Variants in PIK3C3 observed in about 807,000 individuals in gnomAD.
PIK3C3 encodes the protein phosphatidylinositol 3-kinase catalytic subunit type 3.
A neutral mutation model predicts 126.1 loss-of-function variants in PIK3C3; 95 were observed. The ratio of observed to expected loss-of-function variants is 0.75; its 90% CI spans 0.64 to 0.89. The LOEUF (loss-of-function observed/expected upper bound fraction) is 0.89. Ranked by LOEUF, PIK3C3 falls within the 40% of genes least tolerant of loss-of-function variation. PIK3C3 has a pLI of 0.00. For synonymous variants in PIK3C3, 374 were observed against 360.0 expected, an observed-to-expected ratio of 1.04 and a Z score of -0.44; for missense variants, 829 against 1,063.2, an observed-to-expected ratio of 0.78 and a Z score of 3.06.
chr18:42,067,795 A>G, intron 24 of PIK3C3, among the ~76,000 whole-genome samples: 1 of 152,130 alleles, frequency 6.6e-6, no homozygotes, highest in East Asian at 1.9e-4. Flanking sequence ...ATGATTTTGG[A>G]TCCAGCAGAG....
chr18:42,037,952 A>G (rs1348779041), intron 17 of PIK3C3, 132 bp downstream of exon 17: 1 of 789,130 alleles, frequency 1.3e-6, no homozygotes, highest in African/African-American at 1.7e-5. Context: ...AACAGTCTCC[A>G]CTTGACCTTG....
intron 3 of PIK3C3, among the ~76,000 whole-genome samples, chr18:41,969,161 T>G (rs1389949082): frequency 6.6e-6 from 1 of 151,634 alleles, no homozygotes; most frequent in Non-Finnish European, 1.5e-5. Context: ...TGAAAATGTA[T>G]GAAATGCTTT....
At chr18:41,991,457 AATG>A (rs1981773786) in intron 6 of PIK3C3, among the ~76,000 whole-genome samples, 1 of 152,196 alleles carries the variant, frequency 6.6e-6, no homozygotes, top group Non-Finnish European at 1.5e-5. Flanking sequence ...AATCAGCATA[AATG>A]ATGACAGACT....
chr18:42,053,320 A>C (rs942371665), intron 21 of PIK3C3, among the ~76,000 whole-genome samples: 1 of 152,120 alleles, frequency 6.6e-6, no homozygotes, highest in Non-Finnish European at 1.5e-5. Flanking sequence ...TTTTTGGCCC[A>C]TGCTTTGTTT....
intron 10 of PIK3C3, among the ~76,000 whole-genome samples, chr18:42,007,078 C>G (rs1328156002): frequency 1.3e-5 from 2 of 152,086 alleles, no homozygotes; most frequent in Non-Finnish European, 2.9e-5. Context: ...CCGTGTTAGC[C>G]AGGATGGTCT....
At position 41,996,623 on chromosome 18, in the gene PIK3C3, C is replaced by T. The variant is rs1568127792; in HGVS notation, c.892-15C>T. The T allele has an allele frequency of 7.3e-7, 1 of 1,370,592 alleles. No homozygotes were observed. The highest frequency in any genetic ancestry group is 1.0e-6 in the Non-Finnish European group (1 of 993,472). The allele number at this position is 1,370,592 out of a possible 1,614,324, so 84.9% of individuals were successfully genotyped here. A position where few individuals can be genotyped will look rare whatever the true frequency, so the allele number is the denominator to read the frequency against. ...ATTGTTGACAAAATTAGTTCTTTTT[C>T]TTTTTTTGTTTTAGATTATTGTGAG... is the stretch of plus-strand genomic sequence containing the variant. On this transcript the variant is annotated splice_polypyrimidine_tract_variant and intron_variant, in intron 8 of 24. Transcript: ENST00000262039.
intron 24 of PIK3C3, among the ~76,000 whole-genome samples, chr18:42,076,122 GCGCA>G (rs1307065249): frequency 2.3e-4 from 6 of 25,644 alleles, no homozygotes; most frequent in African/African-American, 1.3e-3. Flanking sequence ...ATATATATAT[GCGCA>G]TATATATATA....
At chr18:42,033,183 A>G (rs1037082853) in intron 15 of PIK3C3, among the ~76,000 whole-genome samples, 7 of 152,178 alleles carry the variant, frequency 4.6e-5, no homozygotes, top group Admixed American at 4.6e-4. Context: ...GGGTTCTTCT[A>G]AATAGTATAG....
rs1172380925 is a variant in PIK3C3 at position 42,085,699 on chromosome 18, C to T, written c.*4562C>T. The T allele has an allele frequency of 6.6e-6, 1 of 152,190 alleles. No homozygotes were observed. Among genetic ancestry groups the T allele is most frequent in the South Asian group, 2.1e-4 (1 of 4,830 alleles). The allele number at this position is 152,190 out of a possible 1,614,324, so 9.4% of individuals were successfully genotyped here. On this transcript the variant is annotated 3_prime_UTR_variant, in exon 25 of 25. Transcript: ENST00000262039. Reference sequence around the variant, plus strand: ...TTATCTAAAATAGAAGTTAACATAGCATCCCAGTATTGCCATTCTAAAACT... The same window carrying T: ...TTATCTAAAATAGAAGTTAACATAGTATCCCAGTATTGCCATTCTAAAACT...
At chr18:41,971,144 G>A (rs1302595316) in intron 4 of PIK3C3, 1 of 152,816 alleles carries the variant, frequency 6.5e-6, no homozygotes, top group East Asian at 1.9e-4. Flanking sequence ...CATTTATTTT[G>A]TGAACTTCCT....
chr18:42,064,631 T>A (rs1985458765), intron 22 of PIK3C3, 109 bp from the exon 23 acceptor site: 2 of 612,022 alleles, frequency 3.3e-6, no homozygotes, highest in African/African-American at 3.7e-5. Flanking sequence ...GGAATAATAG[T>A]AATCACTGTA....
chr18:42,075,086 T>C (rs577085855), intron 24 of PIK3C3, among the ~76,000 whole-genome samples: 1 of 152,336 alleles, frequency 6.6e-6, no homozygotes, highest in Admixed American at 6.5e-5. Context: ...CTTTTTATAA[T>C]AACTAAAATT....
At chr18:42,012,442 G>A (rs1598894658) in intron 10 of PIK3C3, among the ~76,000 whole-genome samples, 1 of 152,140 alleles carries the variant, frequency 6.6e-6, no homozygotes, top group Admixed American at 6.5e-5. Context: ...TAGTCCCAAA[G>A]TCTCAGAATT....
At chr18:42,030,408 A>G (rs188449016) in intron 15 of PIK3C3, among the ~76,000 whole-genome samples, 6 of 152,276 alleles carry the variant, frequency 3.9e-5, no homozygotes, top group Non-Finnish European at 8.8e-5. Flanking sequence ...TCCTAATTCC[A>G]TTAGATAATT....
At chr18:42,035,456 T>C (rs1352615653) in intron 16 of PIK3C3, among the ~76,000 whole-genome samples, 23 of 152,182 alleles carry the variant, frequency 1.5e-4, no homozygotes, top group Admixed American at 1.5e-3. Flanking sequence ...TCTAGACTCA[T>C]ACTCAATTAT....
chr18:42,038,496 C>T (rs1355100285), intron 17 of PIK3C3, among the ~76,000 whole-genome samples: 1 of 151,968 alleles, frequency 6.6e-6, no homozygotes, highest in South Asian at 2.1e-4. Flanking sequence ...CATGCACCAC[C>T]ACGCCCAGCT....
intron 6 of PIK3C3, 130 bp downstream of exon 6, chr18:41,990,684 G>C: frequency 1.7e-6 from 1 of 594,186 alleles, no homozygotes; most frequent in South Asian, 2.1e-5. Flanking sequence ...AGCAGCAGCT[G>C]TTTATGTATA....
At chr18:41,989,691 C>T (rs1056507286) in intron 5 of PIK3C3, among the ~76,000 whole-genome samples, 3 of 152,064 alleles carry the variant, frequency 2.0e-5, no homozygotes, top group Non-Finnish European at 4.4e-5. Flanking sequence ...CATATAACCT[C>T]GGTGTGCTAT....
chr18:42,035,760 C>G (rs1984022801), intron 16 of PIK3C3, among the ~76,000 whole-genome samples: 1 of 152,134 alleles, frequency 6.6e-6, no homozygotes, highest in East Asian at 1.9e-4. Context: ...ACTGAAATTT[C>G]TGCATACACT....
Sources: allele counts gnomAD v4.1 joint callset (sites outside exome capture counted in the v4.1 genomes callset), GRCh38; gene constraint gnomAD v4.1.1; transcripts MANE v1.5; gene names NCBI Gene and HGNC (gene_info 2026-07-23, HGNC 2026-07-21).